The following PARD6G variants were observed in gnomAD, a reference collection of about 807,000 sequenced individuals.
PARD6G encodes partitioning defective 6 homolog gamma.
Under a neutral mutation model 10.7 loss-of-function variants are expected in PARD6G, and 7 were observed. That is an observed-to-expected ratio of 0.66 (90% CI 0.37 to 1.23). The LOEUF (loss-of-function observed/expected upper bound fraction) is 1.23, where lower values mean the gene tolerates loss of function less well. Ranked by LOEUF, PARD6G falls within the 50% of genes most tolerant of loss-of-function variation. The pLI is 0.02. For synonymous variants in PARD6G, 287 were observed against 269.4 expected, an observed-to-expected ratio of 1.07 and a Z score of -0.64; for missense variants, 548 against 571.8, an observed-to-expected ratio of 0.96 and a Z score of 0.42.
chr18:80,172,746 G>A (rs960945628), intron 2 of PARD6G, among the ~76,000 whole-genome samples: 1 of 152,192 alleles, frequency 6.6e-6, no homozygotes, highest in Admixed American at 6.5e-5. Flanking sequence ...TCTCTTCTAA[G>A]AAACATGACT....
intron 1 of PARD6G, among the ~76,000 whole-genome samples, chr18:80,230,149 T>A (rs925211246): frequency 1.3e-4 from 20 of 152,212 alleles, no homozygotes; most frequent in Admixed American, 8.5e-4. Context: ...CAGCAGGGTC[T>A]GTTGGGAGGG....
intron 1 of PARD6G, among the ~76,000 whole-genome samples, chr18:80,232,490 ATGG>A (rs1341009468): frequency 3.9e-5 from 6 of 152,082 alleles, no homozygotes; most frequent in Non-Finnish European, 8.8e-5. Flanking sequence ...CACTTCTTAC[ATGG>A]TGGCAGCAAG....
At chr18:80,214,922 A>C (rs1345683855) in intron 1 of PARD6G, among the ~76,000 whole-genome samples, 1 of 152,168 alleles carries the variant, frequency 6.6e-6, no homozygotes, top group Non-Finnish European at 1.5e-5. Context: ...CATCACATGC[A>C]AACTGCCAAA....
chr18:80,227,016 G>A (rs1406656467), intron 1 of PARD6G, among the ~76,000 whole-genome samples: 4 of 152,172 alleles, frequency 2.6e-5, no homozygotes, highest in African/African-American at 9.7e-5. Flanking sequence ...CCAGGCTGCA[G>A]TGCAGTGTGG....
intron 1 of PARD6G, among the ~76,000 whole-genome samples, chr18:80,236,018 T>C (rs1379099258): frequency 6.6e-6 from 1 of 152,216 alleles, no homozygotes; most frequent in Admixed American, 6.5e-5. Context: ...AGCATCATCC[T>C]GATACCAAAG....
intron 2 of PARD6G, among the ~76,000 whole-genome samples, chr18:80,162,806 C>T (rs1055205794): frequency 7.9e-5 from 12 of 152,106 alleles, no homozygotes; most frequent in Non-Finnish European, 1.2e-4. Context: ...CAAGAGAAGA[C>T]GCCGGAGGGT....
At chr18:80,233,199 T>C (rs1241003623) in intron 1 of PARD6G, among the ~76,000 whole-genome samples, 1 of 152,210 alleles carries the variant, frequency 6.6e-6, no homozygotes, top group African/African-American at 2.4e-5. Context: ...CAAACTATCC[T>C]ACCTCTGACA....
chr18:80,163,220 C>T (rs1244539375), intron 2 of PARD6G, among the ~76,000 whole-genome samples: 1 of 152,152 alleles, frequency 6.6e-6, no homozygotes, highest in Non-Finnish European at 1.5e-5. Context: ...ATGCTCAGGC[C>T]CTGTGCTCAG....
rs577938530 is a variant in PARD6G at position 80,186,087 on chromosome 18, TATAC to T, written c.295+16619_295+16622del. 5.5e-3 allele frequency among the ~76,000 whole-genome samples: 698 copies of T among 126,686 alleles called. 2 individuals are homozygous for T. The highest frequency in any genetic ancestry group is 0.018 in the South Asian group (63 of 3,524). 83.1% of individuals were successfully genotyped at this position (126,686 alleles called of 152,430 possible). A position where few individuals can be genotyped will look rare whatever the true frequency, so the allele number is the denominator to read the frequency against. On this transcript the variant is annotated intron_variant, in intron 2 of 2. Transcript: ENST00000353265. ...CCACACAGGCACCCTCACACTCGCA[TATAC>T]AGTCACATATGCTTGCACACCCTCA...
chr18:80,218,146 C>T (rs143175733), intron 1 of PARD6G, among the ~76,000 whole-genome samples: 13 of 152,180 alleles, frequency 8.5e-5, no homozygotes, highest in African/African-American at 3.1e-4. Context: ...AATCTCATGT[C>T]CTCACATTTC....
At chr18:80,176,699 C>G (rs1238581091) in intron 2 of PARD6G, among the ~76,000 whole-genome samples, 1 of 152,288 alleles carries the variant, frequency 6.6e-6, no homozygotes, top group Non-Finnish European at 1.5e-5. Context: ...AAAGCCTCCC[C>G]CCTCATTGCC....
At chr18:80,232,156 G>A (rs558545999) in intron 1 of PARD6G, among the ~76,000 whole-genome samples, 4 of 151,930 alleles carry the variant, frequency 2.6e-5, no homozygotes, top group African/African-American at 9.7e-5. Context: ...TGGAGATAAA[G>A]AGTGGTAGGT....
intron 1 of PARD6G, among the ~76,000 whole-genome samples, chr18:80,220,563 G>C (rs986296089): frequency 6.6e-6 from 1 of 151,650 alleles, no homozygotes; most frequent in African/African-American, 2.4e-5. Context: ...TAATAATAAA[G>C]GAAACTGGGT....
chr18:80,196,184 A>C (rs1323526514), intron 2 of PARD6G, among the ~76,000 whole-genome samples: 3 of 152,238 alleles, frequency 2.0e-5, no homozygotes, highest in African/African-American at 7.2e-5. Context: ...GTCTACATAC[A>C]TCTACAAAAA....
At position 80,161,010 on chromosome 18, in the gene PARD6G, C is replaced by T. The variant is rs2052697396; in HGVS notation, c.296-404G>A. Among the ~76,000 whole-genome samples the T allele has an allele frequency of 6.6e-6, 1 of 152,174 alleles. No individual in the cohort carries two copies. Among genetic ancestry groups the T allele is most frequent in the South Asian group, 2.1e-4 (1 of 4,830 alleles). On this transcript the variant is annotated intron_variant, in intron 2 of 2. Transcript: ENST00000353265. The surrounding 1 kb of genome is among the most constrained non-coding windows in gnomAD (Gnocchi z 4.6). ...ATATTTCCTTCTCTCAACTGTAAGA[C>T]GGAGGCTCGTTTTTTTCTAAGGTTA...
At chr18:80,194,797 G>T (rs1463001994) in intron 2 of PARD6G, among the ~76,000 whole-genome samples, 1 of 152,104 alleles carries the variant, frequency 6.6e-6, no homozygotes, top group African/African-American at 2.4e-5. Context: ...ACTGAGGGGG[G>T]AAATGATACC....
At chr18:80,185,126 A>T (rs2052867163) in intron 2 of PARD6G, among the ~76,000 whole-genome samples, 1 of 152,222 alleles carries the variant, frequency 6.6e-6, no homozygotes, top group Non-Finnish European at 1.5e-5. Flanking sequence ...ATCGACGTTG[A>T]TGAATTACAA....
chr18:80,198,666 T>G (rs1966980642), intron 2 of PARD6G, among the ~76,000 whole-genome samples: 1 of 152,228 alleles, frequency 6.6e-6, no homozygotes, highest in Non-Finnish European at 1.5e-5. Flanking sequence ...GCACAGGAAG[T>G]TTCCTATTAC....
intron 2 of PARD6G, chr18:80,197,590 G>A (rs1204051649): frequency 6.6e-6 from 1 of 152,232 alleles, no homozygotes; most frequent in Non-Finnish European, 1.5e-5. Flanking sequence ...TCATATTCCT[G>A]AGGAGGAGCT....
Sources: allele counts gnomAD v4.1 joint callset (sites outside exome capture counted in the v4.1 genomes callset), GRCh38; gene constraint gnomAD v4.1.1; non-coding constraint Gnocchi (gnomAD v3.1); transcripts MANE v1.5; gene names NCBI Gene and HGNC (gene_info 2026-07-23, HGNC 2026-07-21).